The following CHLSN variants were observed in gnomAD, a reference collection of about 807,000 sequenced individuals.
CHLSN encodes protein cholesin.
the CHLSN span, among the ~76,000 whole-genome samples, chr7:992,838 G>A: frequency 6.6e-6 from 1 of 152,254 alleles, no homozygotes; most frequent in South Asian, 2.1e-4. Context: ...CTAGCGCCCA[G>A]CTGTCTCTCC....
At chr7:1,016,729 CA>C in the CHLSN span, among the ~76,000 whole-genome samples, 44 of 126,814 alleles carry the variant, frequency 3.5e-4, 7 homozygotes, top group African/African-American at 8.6e-4. Context: ...CAGCACACAG[CA>C]GCACACGCCA....
chr7:1,086,503 AAC>A, the CHLSN span, among the ~76,000 whole-genome samples: 1 of 152,250 alleles, frequency 6.6e-6, no homozygotes, highest in East Asian at 1.9e-4. Flanking sequence ...TTAAAAAATT[AAC>A]ACAGCATTCT....
At chr7:981,996 G>A in the CHLSN span, among the ~76,000 whole-genome samples, 2 of 152,152 alleles carry the variant, frequency 1.3e-5, no homozygotes, top group East Asian at 1.9e-4. Context: ...CTCACAGCAC[G>A]GTAATCCAGC....
At chr7:978,376 G>T in the CHLSN span, among the ~76,000 whole-genome samples, 2 of 152,152 alleles carry the variant, frequency 1.3e-5, no homozygotes, top group African/African-American at 2.4e-5. Flanking sequence ...AAATTAGCCA[G>T]GTGTAGGGGC....
the CHLSN span, among the ~76,000 whole-genome samples, chr7:1,042,287 A>C: frequency 6.6e-6 from 1 of 152,190 alleles, no homozygotes; most frequent in South Asian, 2.1e-4. Flanking sequence ...AACTGCCCTC[A>C]AACACCCTCA....
the CHLSN span, among the ~76,000 whole-genome samples, chr7:1,012,210 G>A: frequency 9.7e-4 from 148 of 152,372 alleles, no homozygotes; most frequent in African/African-American, 3.4e-3. Flanking sequence ...CACAGGGGCC[G>A]CCGCGGTGGC....
At chr7:1,098,985 A>G in the CHLSN span, among the ~76,000 whole-genome samples, 2 of 152,258 alleles carry the variant, frequency 1.3e-5, no homozygotes, top group East Asian at 3.8e-4. Flanking sequence ...TATGTAAATT[A>G]CATCTCAGTA....
At chr7:1,107,709 T>G in the CHLSN span, among the ~76,000 whole-genome samples, 1 of 152,220 alleles carries the variant, frequency 6.6e-6, no homozygotes, top group Non-Finnish European at 1.5e-5. Context: ...ATCCCACCAG[T>G]GGCCTGCAGG....
chr7:987,781 G>T, the CHLSN span, among the ~76,000 whole-genome samples: 1 of 152,116 alleles, frequency 6.6e-6, no homozygotes, highest in Non-Finnish European at 1.5e-5. Flanking sequence ...TGTGTCCTGT[G>T]GGCATCCCTG....
chr7:1,129,830 A>G, the CHLSN span, among the ~76,000 whole-genome samples: 3 of 152,378 alleles, frequency 2.0e-5, no homozygotes, highest in South Asian at 4.1e-4. Context: ...CTGGACATGA[A>G]CACAAAGCGT....
At chr7:1,087,549 G>A in the CHLSN span, among the ~76,000 whole-genome samples, 1 of 152,194 alleles carries the variant, frequency 6.6e-6, no homozygotes, top group Non-Finnish European at 1.5e-5. Context: ...CGCCACACGA[G>A]GTCAGGTGTG....
At chr7:983,086 T>G in the CHLSN span, 4 of 819,180 alleles carry the variant, frequency 4.9e-6, no homozygotes. Context: ...CCCTGCAAAC[T>G]GCTCGTTCCA....
the CHLSN span, chr7:1,028,802 C>A: frequency 1.1e-6 from 1 of 888,114 alleles, no homozygotes; most frequent in Non-Finnish European, 1.3e-6. Flanking sequence ...ATCGCTCCCC[C>A]AATCTGACTC....
chr7:1,049,372 G>T, the CHLSN span, among the ~76,000 whole-genome samples: 14 of 152,354 alleles, frequency 9.2e-5, no homozygotes, highest in African/African-American at 3.4e-4. Context: ...CTTCACATGG[G>T]TTGGTTTACT....
the CHLSN span, among the ~76,000 whole-genome samples, chr7:1,048,047 T>C: frequency 6.6e-6 from 1 of 151,818 alleles, no homozygotes; most frequent in Admixed American, 6.6e-5. Context: ...CAGCAAAGAC[T>C]GGCGGAGGGG....
At chr7:1,022,523 G>GGCCGTCGTGAGGGAACACGGGAC in the CHLSN span, among the ~76,000 whole-genome samples, 1 of 152,126 alleles carries the variant, frequency 6.6e-6, no homozygotes, top group Non-Finnish European at 1.5e-5. Flanking sequence ...CGCAGGTGAC[G>GGCCGTCGTGAGGGAACACGGGAC]GCCGTCGTGA....
the CHLSN span, among the ~76,000 whole-genome samples, chr7:1,008,036 G>A: frequency 2.6e-5 from 4 of 152,154 alleles, no homozygotes; most frequent in Non-Finnish European, 5.9e-5. Context: ...GGCAGGCCTG[G>A]GGAGGAAGGC....
At chr7:988,337 C>G in the CHLSN span, 1 of 1,612,590 alleles carries the variant, frequency 6.2e-7, no homozygotes, top group Non-Finnish European at 8.5e-7. Context: ...GTGGCAGACC[C>G]CAGGCCAGTT....
At chr7:1,012,139 C>T in the CHLSN span, among the ~76,000 whole-genome samples, 1 of 152,248 alleles carries the variant, frequency 6.6e-6, no homozygotes, top group Non-Finnish European at 1.5e-5. Context: ...GCCCCCACTC[C>T]ATGGGCCACG....
Sources: allele counts gnomAD v4.1 joint callset (sites outside exome capture counted in the v4.1 genomes callset), GRCh38; gene constraint gnomAD v4.1.1; transcripts MANE v1.5; gene names NCBI Gene and HGNC (gene_info 2026-07-23, HGNC 2026-07-21).